The following NCBP3 variants were observed in gnomAD, a reference collection of about 807,000 sequenced individuals.
NCBP3 encodes nuclear cap binding subunit 3.
Under a neutral mutation model 75.7 loss-of-function variants are expected in NCBP3, and 20 were observed. That is an observed-to-expected ratio of 0.26 (90% CI 0.19 to 0.38). The LOEUF (loss-of-function observed/expected upper bound fraction) is 0.38, where lower values mean the gene tolerates loss of function less well. NCBP3 is among the 10% of genes least tolerant of loss of function. The pLI is 1.00. For synonymous variants in NCBP3, 293 were observed against 290.5 expected (o/e 1.01, Z -0.09); for missense variants, 678 against 796.9 (o/e 0.85, Z 1.80).
chr17:3,827,054 G>T (rs1267057802), intron 4 of NCBP3, among the ~76,000 whole-genome samples: 22 of 139,170 alleles, frequency 1.6e-4, no homozygotes, highest in East Asian at 1.2e-3. Context: ...GGAACGGAAA[G>T]GAAAAGGGAA....
Position 3,813,053 on chromosome 17 carries a change from T to C in NCBP3, c.1854A>G (p.Ala618=), listed in dbSNP as rs758031692. The change falls in exon 13 of 13, where the codon GCA becomes GCG. Residue 618 remains alanine (A), a synonymous_variant. Coordinates refer to ENST00000389005, the MANE Select transcript of NCBP3 (RefSeq NM_001114118.3). ...ATAGGCCCCAGGGGCATCAGGACTCTGCCTCTGAACCAGAGCTGCTTTCCC... is the reference window on the plus strand; with the variant it reads ...ATAGGCCCCAGGGGCATCAGGACTCCGCCTCTGAACCAGAGCTGCTTTCCC... ...VSRESSSGSE[A]ES is the part of the protein sequence containing the mutation. 1 of 1,614,234 alleles carries C rather than the reference T, an allele frequency of 6.2e-7. No homozygotes were observed. The highest frequency in any genetic ancestry group is 8.5e-7 in the Non-Finnish European group (1 of 1,180,034).
In NCBP3 at chr17:3,803,736, T is replaced by G. The variant is rs554696077; in HGVS notation, c.*9308A>C. 6.6e-6 allele frequency: 1 copy of G among 152,282 alleles called. No homozygotes were observed. Among genetic ancestry groups the G allele is most frequent in the East Asian group, 1.9e-4 (1 of 5,194 alleles). 9.4% of individuals were successfully genotyped at this position (152,282 alleles called of 1,614,324 possible). On this transcript the variant is annotated 3_prime_UTR_variant, in exon 13 of 13. Transcript: ENST00000389005. ...TAAAGTTTTAAATATTTTAAAAAAT[T>G]TTTTTCTTTCTCCCCTTGATACCAG... is the stretch of plus-strand genomic sequence containing the variant.
At chr17:3,840,865 T>TA (rs1218449272) in intron 2 of NCBP3, among the ~76,000 whole-genome samples, 2 of 152,254 alleles carry the variant, frequency 1.3e-5, no homozygotes, top group Non-Finnish European at 2.9e-5. Flanking sequence ...CTCTAAGTGA[T>TA]AAGAACCATT....
intron 3 of NCBP3, among the ~76,000 whole-genome samples, chr17:3,832,183 CAAAAAAA>C (rs754603661): frequency 6.7e-5 from 2 of 29,992 alleles, no homozygotes; most frequent in African/African-American, 7.9e-5. Flanking sequence ...GACTCCGTCG[CAAAAAAA>C]AAAAAAAAAA....
intron 3 of NCBP3, among the ~76,000 whole-genome samples, chr17:3,839,451 G>A (rs993280932): frequency 9.2e-5 from 14 of 152,128 alleles, no homozygotes; most frequent in Non-Finnish European, 1.5e-4. Flanking sequence ...AGGTTCAAGC[G>A]ATTCTCACGC....
chr17:3,822,574 A>G (rs2053688835), intron 7 of NCBP3: 1 of 152,366 alleles, frequency 6.6e-6, no homozygotes, highest in Non-Finnish European at 1.5e-5. Context: ...AATACTATAC[A>G]TGTAGAATGT....
Position 3,846,192 on chromosome 17 carries a change from A to C in NCBP3, c.32T>G (p.Val11Gly). The change falls in exon 1 of 13, where the codon GTG becomes GGG. Residue 11 changes from valine (V) to glycine (G), a missense_variant. Coordinates refer to ENST00000389005, the MANE Select transcript of NCBP3 (RefSeq NM_001114118.3). This position sits in a 1 kb window ranked among gnomAD's most constrained non-coding sequence, Gnocchi z 4.6. MAAVRGLRVS[V>G]KAEAPAGPAL... The stretch of plus-strand genomic sequence containing the variant: ...CGGCCCCGCCGGGGCCTCCGCCTTC[A>C]CCGACACCCGCAGGCCCCGTACGGC... 2 of 1,508,000 alleles carry C rather than the reference A, an allele frequency of 1.3e-6. No individual in the cohort carries two copies. Among genetic ancestry groups the C allele is most frequent in the Non-Finnish European group, 1.8e-6 (2 of 1,129,592 alleles). The allele number at this position is 1,508,000 out of a possible 1,614,324, so 93.4% of individuals were successfully genotyped here.
In NCBP3 at chr17:3,836,044, G is replaced by A. The variant is rs2053966628; in HGVS notation, c.355+4056C>T. 2.0e-5 allele frequency among the ~76,000 whole-genome samples: 3 copies of A among 152,172 alleles called. No homozygotes were observed. The South Asian group carries it at 6.2e-4, about 32-fold the overall frequency. ...ATAATCAACACCTTCTCCTCACAGG[G>A]CTGTTGAAAGGATCAGTTAATGACA... is the stretch of plus-strand genomic sequence containing the variant. On this transcript the variant is annotated intron_variant, in intron 3 of 12. Coordinates refer to ENST00000389005, the MANE Select transcript of NCBP3 (RefSeq NM_001114118.3).
At position 3,806,205 on chromosome 17, in the gene NCBP3, A is replaced by G. The variant is rs558498509; in HGVS notation, c.*6839T>C. ...GTAATTCTCCTGTCTCAGCCTCCCA[A>G]GTAGCTGGGACTACAGGTACCCACC... On this transcript the variant is annotated 3_prime_UTR_variant, in exon 13 of 13. Transcript: ENST00000389005. 1 of 152,314 alleles carries G rather than the reference A, an allele frequency of 6.6e-6. No individual in the cohort carries two copies. The highest frequency in any genetic ancestry group is 2.1e-4 in the South Asian group (1 of 4,826). The allele number at this position is 152,314 out of a possible 1,614,324, so 9.4% of individuals were successfully genotyped here.
intron 4 of NCBP3, 90 bp from the exon 5 acceptor site, chr17:3,826,305 C>T: frequency 4.9e-6 from 6 of 1,214,852 alleles, no homozygotes; most frequent in Non-Finnish European, 6.7e-6. Flanking sequence ...TCACTACAGC[C>T]TCATCTAGCA....
chr17:3,821,396 A>C (rs2053662303), intron 8 of NCBP3, 44 bp from the exon 9 acceptor site: 1 of 1,446,502 alleles, frequency 6.9e-7, no homozygotes. Context: ...AACTGATAGG[A>C]AGGACCTTGA....
At chr17:3,839,378 C>T (rs2054027598) in intron 3 of NCBP3, among the ~76,000 whole-genome samples, 1 of 152,040 alleles carries the variant, frequency 6.6e-6, no homozygotes, top group African/African-American at 2.4e-5. Flanking sequence ...GACAGAGTCT[C>T]GCTCTGTCGC....
intron 7 of NCBP3, chr17:3,824,016 G>A (rs2053722825): frequency 6.6e-6 from 1 of 152,084 alleles, no homozygotes; most frequent in Non-Finnish European, 1.5e-5. Flanking sequence ...GAGGATAGAA[G>A]TAGTTTCAGC....
intron 3 of NCBP3, among the ~76,000 whole-genome samples, 189 bp from the exon 4 acceptor site, chr17:3,829,557 C>T (rs534134432): frequency 2.6e-5 from 4 of 152,280 alleles, no homozygotes; most frequent in East Asian, 1.9e-4. Flanking sequence ...TATCACTCAA[C>T]GACAGCATTA....
In NCBP3 at chr17:3,811,975, G is replaced by T. The variant is rs138413849; in HGVS notation, c.*1069C>A. 4.1e-4 allele frequency: 62 copies of T among 152,294 alleles called. No individual in the cohort carries two copies. The highest frequency in any genetic ancestry group is 1.4e-3 in the African/African-American group (58 of 41,568). The allele number at this position is 152,294 out of a possible 1,614,324, so 9.4% of individuals were successfully genotyped here. On this transcript the variant is annotated 3_prime_UTR_variant, in exon 13 of 13. Transcript: ENST00000389005. ...AGGTGCCACAACGTGGGGACAGAAA[G>T]AATAAATATCAATGTATAACTTCTA...
At chr17:3,813,379 C>T (rs980977068) in intron 12 of NCBP3, 100 bp from the exon 13 acceptor site, 6 of 1,411,976 alleles carry the variant, frequency 4.2e-6, no homozygotes, top group East Asian at 2.3e-5. Context: ...GTGCAGGAAA[C>T]GCCAGCAGTC....
chr17:3,825,743 A>G, intron 6 of NCBP3, 24 bp downstream of exon 6: 1 of 1,502,434 alleles, frequency 6.7e-7, no homozygotes, highest in East Asian at 2.5e-5. Context: ...ATAACTTTAC[A>G]TCTATCTTTC....
intron 1 of NCBP3, among the ~76,000 whole-genome samples, chr17:3,844,611 G>A (rs909745671): frequency 2.0e-5 from 3 of 152,202 alleles, no homozygotes; most frequent in Admixed American, 2.0e-4. Flanking sequence ...AGCACTTTGG[G>A]AGGCAGAGGC....
chr17:3,820,757 C>T (rs531778834), intron 9 of NCBP3, among the ~76,000 whole-genome samples: 1 of 152,120 alleles, frequency 6.6e-6, no homozygotes, highest in East Asian at 1.9e-4. Context: ...ATGGTGAAAC[C>T]CCATCTCTAC....
Sources: gnomAD v4.1 joint callset for allele counts (sites outside exome capture counted in the v4.1 genomes callset) on GRCh38, gnomAD v4.1.1 for gene constraint, Gnocchi (gnomAD v3.1) non-coding constraint, MANE v1.5 for transcripts, NCBI Gene and HGNC (gene_info 2026-07-23, HGNC 2026-07-21) for gene names.